The following ROCK1 variants were observed in gnomAD, a reference collection of about 807,000 sequenced individuals.
ROCK1 encodes rho-associated protein kinase 1.
ROCK1 carries 36 observed loss-of-function variants against 196.8 expected under a neutral mutation model. The ratio of observed to expected loss-of-function variants is 0.18; its 90% CI spans 0.14 to 0.24. The LOEUF (loss-of-function observed/expected upper bound fraction) is 0.24. Ranked by LOEUF, ROCK1 falls within the 10% of genes least tolerant of loss-of-function variation. The probability of loss-of-function intolerance (pLI) is 1.00; values close to 1 mark genes in which losing one functional copy is unlikely to be tolerated. For missense variants in ROCK1, 920 were observed against 1,562.0 expected (o/e 0.59, Z 6.93); for synonymous variants, 443 against 515.9 (o/e 0.86, Z 1.91).
In ROCK1 at chr18:20,949,205, G is replaced by C. The variant is rs1446444495; in HGVS notation, c.*2179C>G. 6.6e-6 allele frequency: 1 copy of C among 152,030 alleles called. No homozygotes were observed. The highest frequency in any genetic ancestry group is 1.5e-5 in the Non-Finnish European group (1 of 68,008). 9.4% of individuals were successfully genotyped at this position (152,030 alleles called of 1,614,324 possible). A position where few individuals can be genotyped will look rare whatever the true frequency, so the allele number is the denominator to read the frequency against. The stretch of plus-strand genomic sequence containing the variant: ...GAATTAACTCTGTTCTCTGCAACTG[G>C]ACCTTAAAATATTAGGTAATGGTGA... On this transcript the variant is annotated 3_prime_UTR_variant, in exon 33 of 33. Coordinates refer to ENST00000399799, the MANE Select transcript of ROCK1 (RefSeq NM_005406.3).
At chr18:21,102,877 A>T (rs2143603919) in intron 1 of ROCK1, among the ~76,000 whole-genome samples, 1 of 152,176 alleles carries the variant, frequency 6.6e-6, no homozygotes, top group African/African-American at 2.4e-5. Flanking sequence ...AAAAAAAAAA[A>T]AGTAGTTCAA....
intron 1 of ROCK1, among the ~76,000 whole-genome samples, chr18:21,094,646 G>A (rs1044774198): frequency 1.1e-4 from 17 of 151,434 alleles, no homozygotes; most frequent in African/African-American, 3.6e-4. Context: ...CTACTCAAGA[G>A]GCTGAGGTGA....
chr18:21,046,199 T>C (rs527681426), intron 4 of ROCK1, among the ~76,000 whole-genome samples: 1 of 152,244 alleles, frequency 6.6e-6, no homozygotes, highest in South Asian at 2.1e-4. Flanking sequence ...CATGAGCCAC[T>C]GCGCCCGGCC....
At chr18:21,046,060 G>A (rs1240916224) in intron 4 of ROCK1, among the ~76,000 whole-genome samples, 4 of 151,872 alleles carry the variant, frequency 2.6e-5, no homozygotes, top group Non-Finnish European at 4.4e-5. Context: ...ACAGGCACCC[G>A]CTACCACGCC....
chr18:20,980,035 G>A lies in ROCK1; in HGVS notation c.2560-31C>T, dbSNP rs766238879. On this transcript the variant is annotated intron_variant, in intron 21 of 32. Coordinates refer to ENST00000399799, the MANE Select transcript of ROCK1 (RefSeq NM_005406.3). ...AAACAAGTGACAAGGAGAAATAAGT[G>A]TTTATGGTGGGTTAAAAACAATTTG... The A allele has an allele frequency of 4.3e-5, 64 of 1,491,362 alleles. 1 individual carries two copies. The South Asian group carries it at 7.9e-4, about 18-fold the overall frequency. The allele number at this position is 1,491,362 out of a possible 1,614,324, so 92.4% of individuals were successfully genotyped here.
intron 31 of ROCK1, 74 bp downstream of exon 31, chr18:20,954,709 C>G: frequency 3.5e-6 from 5 of 1,423,960 alleles, no homozygotes; most frequent in Admixed American, 2.3e-5. Context: ...ATAGAAATCA[C>G]TACACATAAG....
chr18:20,977,349 A>T (rs1005948315), intron 22 of ROCK1, among the ~76,000 whole-genome samples: 4 of 152,224 alleles, frequency 2.6e-5, no homozygotes, highest in Non-Finnish European at 5.9e-5. Flanking sequence ...TTCTCTCTCC[A>T]GCCTTATCTG....
chr18:21,019,781 G>A (rs919954100), intron 12 of ROCK1, among the ~76,000 whole-genome samples: 1 of 148,582 alleles, frequency 6.7e-6, no homozygotes, highest in South Asian at 2.1e-4. Context: ...CTGGACGACA[G>A]AGCGAGACTC....
At chr18:20,965,199 G>A (rs1177615160) in intron 27 of ROCK1, among the ~76,000 whole-genome samples, 1 of 152,008 alleles carries the variant, frequency 6.6e-6, no homozygotes, top group Non-Finnish European at 1.5e-5. Flanking sequence ...AAACCAGCCT[G>A]GGCAATATGG....
chr18:21,001,314 T>C (rs1253348265), intron 16 of ROCK1, among the ~76,000 whole-genome samples: 7 of 152,346 alleles, frequency 4.6e-5, no homozygotes, highest in Admixed American at 2.0e-4. Context: ...TCCTATTTTG[T>C]AGTTTCAAAA....
chr18:21,098,847 T>A (rs1271231683), intron 1 of ROCK1, among the ~76,000 whole-genome samples: 1 of 152,108 alleles, frequency 6.6e-6, no homozygotes, highest in African/African-American at 2.4e-5. Flanking sequence ...AATGTTAGAA[T>A]AGAAAAAATA....
chr18:21,066,483 T>C (rs1014583110), intron 2 of ROCK1, among the ~76,000 whole-genome samples: 5 of 152,200 alleles, frequency 3.3e-5, no homozygotes, highest in Admixed American at 2.0e-4. Flanking sequence ...CTAATAAACA[T>C]AGAGTAAATG....
chr18:21,004,059 A>G (rs1300837296), intron 16 of ROCK1, among the ~76,000 whole-genome samples: 3 of 152,190 alleles, frequency 2.0e-5, no homozygotes, highest in Admixed American at 1.3e-4. Flanking sequence ...GATCACTTTC[A>G]TTAAGCCTCT....
intron 11 of ROCK1, among the ~76,000 whole-genome samples, chr18:21,022,149 G>A (rs1340552894): frequency 6.6e-6 from 1 of 151,892 alleles, no homozygotes; most frequent in Non-Finnish European, 1.5e-5. Flanking sequence ...CAATGTCTCT[G>A]TGCCCCCCCA....
chr18:21,084,397 T>C (rs1301017356), intron 1 of ROCK1, among the ~76,000 whole-genome samples: 1 of 151,978 alleles, frequency 6.6e-6, no homozygotes. Context: ...TTACGCAAAA[T>C]ATGTAGGGCA....
intron 20 of ROCK1, 125 bp from the exon 21 acceptor site, chr18:20,982,957 A>G: frequency 1.9e-6 from 1 of 538,350 alleles, no homozygotes. Context: ...TTTTAAAAAC[A>G]TACTTCATTA....
chr18:21,104,350 C>A (rs755070644), intron 1 of ROCK1, among the ~76,000 whole-genome samples: 5 of 152,210 alleles, frequency 3.3e-5, no homozygotes, highest in Non-Finnish European at 5.9e-5. Context: ...GTAATCCCAG[C>A]ACTGTGGGAG....
intron 1 of ROCK1, among the ~76,000 whole-genome samples, chr18:21,081,140 T>C (rs1349157036): frequency 1.3e-5 from 2 of 152,154 alleles, no homozygotes; most frequent in Non-Finnish European, 2.9e-5. Flanking sequence ...TTTTAATAAC[T>C]TTTAAAAGAC....
intron 16 of ROCK1, among the ~76,000 whole-genome samples, chr18:21,003,528 T>A (rs1369377413): frequency 1.3e-5 from 2 of 152,194 alleles, no homozygotes; most frequent in African/African-American, 4.8e-5. Context: ...AGTCCCTATC[T>A]TTAAGATAAT....
Sources: allele counts gnomAD v4.1 joint callset (sites outside exome capture counted in the v4.1 genomes callset), GRCh38; gene constraint gnomAD v4.1.1; transcripts MANE v1.5; gene names NCBI Gene and HGNC (gene_info 2026-07-23, HGNC 2026-07-21).